The following ZFAND6 variants were observed in gnomAD, a reference collection of about 807,000 sequenced individuals.
ZFAND6 encodes the protein zinc finger AN1-type containing 6.
A neutral mutation model predicts 24.5 loss-of-function variants in ZFAND6; 12 were observed. The observed-to-expected ratio is 0.49, with a 90% CI of 0.31 to 0.79. The LOEUF (loss-of-function observed/expected upper bound fraction) is 0.79. Ranked by LOEUF, ZFAND6 falls within the 30% of genes least tolerant of loss-of-function variation. ZFAND6 has a pLI of 0.04. For missense variants in ZFAND6, 207 were observed against 245.9 expected, an observed-to-expected ratio of 0.84 and a Z score of 1.06; for synonymous variants, 92 against 81.5, an observed-to-expected ratio of 1.13 and a Z score of -0.69.
At chr15:80,077,018 A>G (rs1345984624) in intron 1 of ZFAND6, among the ~76,000 whole-genome samples, 1 of 152,256 alleles carries the variant, frequency 6.6e-6, no homozygotes, top group Non-Finnish European at 1.5e-5. Context: ...AGGCAAAGTA[A>G]AGGTAGTTTT....
At chr15:80,121,479 G>C (rs759954113) in intron 3 of ZFAND6, among the ~76,000 whole-genome samples, 57 of 152,126 alleles carry the variant, frequency 3.7e-4, no homozygotes, top group Non-Finnish European at 3.7e-4. Flanking sequence ...CTAAGAAATA[G>C]GAGTTTATTA....
chr15:80,095,017 C>T (rs917786275), intron 1 of ZFAND6, among the ~76,000 whole-genome samples: 1 of 152,166 alleles, frequency 6.6e-6, no homozygotes, highest in Non-Finnish European at 1.5e-5. Context: ...AGGTAATCCA[C>T]CTGCCTCGGC....
chr15:80,127,766 A>G (rs2040433192), intron 5 of ZFAND6, among the ~76,000 whole-genome samples: 1 of 152,180 alleles, frequency 6.6e-6, no homozygotes, highest in Non-Finnish European at 1.5e-5. Flanking sequence ...ATATGGTGCC[A>G]GATACTCTGG....
chr15:80,110,412 T>G (rs1288250147), intron 2 of ZFAND6, among the ~76,000 whole-genome samples: 1 of 152,066 alleles, frequency 6.6e-6, no homozygotes, highest in African/African-American at 2.4e-5. Context: ...ATTATGAATC[T>G]AAAGGAGAAC....
Position 80,117,936 on chromosome 15 carries a change from A to G in ZFAND6, c.-17-2392A>G, listed in dbSNP as rs75520487. The stretch of plus-strand genomic sequence containing the variant: ...TATTATGAAAACAATTTTGACCTCT[A>G]TAGGGGTATGTGAACCATACTTTGA... On this transcript the variant is annotated intron_variant, in intron 2 of 6. Transcript: ENST00000261749. Among the ~76,000 whole-genome samples the G allele has an allele frequency of 9.1e-3, 1,385 of 152,138 alleles. 26 individuals carry two copies. The highest frequency in any genetic ancestry group is 0.032 in the African/African-American group (1,315 of 41,480).
At chr15:80,116,615 A>T (rs1053280170) in intron 2 of ZFAND6, among the ~76,000 whole-genome samples, 2 of 152,186 alleles carry the variant, frequency 1.3e-5, no homozygotes, top group Non-Finnish European at 2.9e-5. Context: ...TATTTTAATA[A>T]CATTATCAGA....
rs546431022 is a variant in ZFAND6, at chr15:80,125,219, A to G, written c.364+2419A>G. 1.4e-4 allele frequency among the ~76,000 whole-genome samples: 21 copies of G among 152,250 alleles called. No homozygotes were observed. The South Asian group carries it at 2.5e-3, about 18-fold the overall frequency. On this transcript the variant is annotated intron_variant, in intron 5 of 6. Coordinates refer to ENST00000261749, the MANE Select transcript of ZFAND6 (RefSeq NM_019006.4). ...TGGAGCTTGTTGGACTAGGATGTGG[A>G]TATGTGTATTCCTGTTAACACATAC...
chr15:80,118,034 G>GTGTT (rs1298436592), intron 2 of ZFAND6, among the ~76,000 whole-genome samples: 1 of 151,558 alleles, frequency 6.6e-6, no homozygotes, highest in Admixed American at 6.6e-5. Flanking sequence ...GTGTGTGTGT[G>GTGTT]TATATGTATG....
At chr15:80,078,141 C>G (rs991780845) in intron 1 of ZFAND6, among the ~76,000 whole-genome samples, 10 of 152,142 alleles carry the variant, frequency 6.6e-5, no homozygotes, top group Admixed American at 1.3e-4. Flanking sequence ...GTTTGATGTA[C>G]AAACAATCCC....
intron 2 of ZFAND6, among the ~76,000 whole-genome samples, chr15:80,101,778 T>A (rs992884041): frequency 1.3e-5 from 2 of 151,520 alleles, no homozygotes; most frequent in African/African-American, 2.4e-5. Flanking sequence ...TTTCTCTGGG[T>A]TTTATGTAAA....
At chr15:80,083,749 G>T (rs1359019362) in intron 1 of ZFAND6, among the ~76,000 whole-genome samples, 1 of 152,090 alleles carries the variant, frequency 6.6e-6, no homozygotes, top group Non-Finnish European at 1.5e-5. Context: ...AAATCAGCTG[G>T]GCATGGTGGT....
At chr15:80,120,222 T>G in intron 2 of ZFAND6, 106 bp from the exon 3 acceptor site, 1 of 925,064 alleles carries the variant, frequency 1.1e-6, no homozygotes. Context: ...TGTAGAATAG[T>G]TTGATATATG....
At chr15:80,093,729 A>G (rs771406078) in intron 1 of ZFAND6, among the ~76,000 whole-genome samples, 12 of 152,248 alleles carry the variant, frequency 7.9e-5, no homozygotes, top group Non-Finnish European at 1.6e-4. Flanking sequence ...TTGTTTCAAA[A>G]TAAATAAATA....
At chr15:80,136,886 CTTA>C (rs1306491798) in intron 6 of ZFAND6, among the ~76,000 whole-genome samples, 11 of 152,186 alleles carry the variant, frequency 7.2e-5, no homozygotes, top group Admixed American at 3.3e-4. Flanking sequence ...TTAATCCTTA[CTTA>C]TTATTATTCC....
At chr15:80,073,935 T>C (rs2037122125) in intron 1 of ZFAND6, among the ~76,000 whole-genome samples, 1 of 151,440 alleles carries the variant, frequency 6.6e-6, no homozygotes, top group African/African-American at 2.4e-5. Flanking sequence ...TGTAAAATAT[T>C]TTCCTTTTTA....
At chr15:80,133,851 C>T (rs972193401) in intron 6 of ZFAND6, among the ~76,000 whole-genome samples, 3 of 152,188 alleles carry the variant, frequency 2.0e-5, no homozygotes, top group African/African-American at 7.2e-5. Flanking sequence ...AGATAAACAC[C>T]AGCTGCCAGT....
chr15:80,070,768 T>C (rs2036931457), intron 1 of ZFAND6, among the ~76,000 whole-genome samples: 1 of 152,262 alleles, frequency 6.6e-6, no homozygotes, highest in African/African-American at 2.4e-5. Flanking sequence ...AATTTTATGC[T>C]TGCCAGATTT....
intron 1 of ZFAND6, among the ~76,000 whole-genome samples, chr15:80,089,162 C>T (rs2038183232): frequency 6.6e-6 from 1 of 151,788 alleles, no homozygotes; most frequent in African/African-American, 2.4e-5. Flanking sequence ...CTGATCACAC[C>T]AGATTGCAAT....
chr15:80,132,547 A>G (rs1438710736), intron 6 of ZFAND6, among the ~76,000 whole-genome samples: 5 of 152,194 alleles, frequency 3.3e-5, no homozygotes, highest in African/African-American at 1.2e-4. Context: ...TCCTATTGCT[A>G]TTGCAGTGAG....
Sources: gnomAD v4.1 joint callset for allele counts (sites outside exome capture counted in the v4.1 genomes callset) on GRCh38, gnomAD v4.1.1 for gene constraint, MANE v1.5 for transcripts, NCBI Gene and HGNC (gene_info 2026-07-23, HGNC 2026-07-21) for gene names.